ATP6V1C2: variants seen among roughly 807,000 people sequenced by gnomAD.
ATP6V1C2 encodes the protein ATPase H+ transporting V1 subunit C2.
ATP6V1C2 carries 45 observed loss-of-function variants against 56.8 expected under a neutral mutation model. The ratio of observed to expected loss-of-function variants is 0.79; its 90% CI spans 0.62 to 1.02. The LOEUF (loss-of-function observed/expected upper bound fraction) is 1.02, where lower values mean the gene tolerates loss of function less well. ATP6V1C2 is among the 50% of genes least tolerant of loss of function. ATP6V1C2 has a pLI of 0.00. For missense variants in ATP6V1C2, 463 were observed against 519.7 expected (o/e 0.89, Z 1.06); for synonymous variants, 220 against 201.3 (o/e 1.09, Z -0.79).
At chr2:10,764,169 C>T (rs192438639) in intron 4 of ATP6V1C2, among the ~76,000 whole-genome samples, 162 bp from the exon 5 acceptor site, 21 of 152,314 alleles carry the variant, frequency 1.4e-4, no homozygotes, top group Non-Finnish European at 1.5e-4. Context: ...TCCCCGCTCC[C>T]GCAGGGAACG....
At position 10,783,553 on chromosome 2, in the gene ATP6V1C2, T is replaced by C. The variant is rs1665529231; in HGVS notation, c.*290T>C. ...GCTGTATTTCATGTCTTAACGGCTA[T>C]TTTGAGGTTCATTAACAACATAGAA... is the stretch of plus-strand genomic sequence containing the variant. On this transcript the variant is annotated 3_prime_UTR_variant, in exon 14 of 14. Transcript: ENST00000272238. The C allele has an allele frequency of 2.0e-5, 6 of 296,588 alleles. No individual in the cohort carries two copies. Among genetic ancestry groups the C allele is most frequent in the Non-Finnish European group, 3.9e-5 (6 of 155,520 alleles). The allele number at this position is 296,588 out of a possible 1,614,324, so 18.4% of individuals were successfully genotyped here.
chr2:10,737,531 A>T (rs1384128472), intron 3 of ATP6V1C2, among the ~76,000 whole-genome samples: 1 of 151,972 alleles, frequency 6.6e-6, no homozygotes, highest in East Asian at 1.9e-4. Context: ...TAAGTGTTTC[A>T]TGGGTGTCTG....
intron 12 of ATP6V1C2, 88 bp downstream of exon 12, chr2:10,778,757 T>A: frequency 8.1e-7 from 1 of 1,241,654 alleles, no homozygotes; most frequent in Non-Finnish European, 1.2e-6. Flanking sequence ...TCCTGCCTTC[T>A]CTCCATCCTC....
Position 10,764,353 on chromosome 2 carries a change from C to T in ATP6V1C2, c.306C>T (p.Thr102=), listed in dbSNP as rs1480572220. The T allele has an allele frequency of 1.2e-6, 2 of 1,613,868 alleles. No individual in the cohort carries two copies. Among genetic ancestry groups the T allele is most frequent in the South Asian group, 2.2e-5 (2 of 91,078 alleles). Residue 102 remains threonine (T), a synonymous_variant, in exon 5 of 14, where the codon ACC becomes ACT. Coordinates refer to ENST00000272238, the MANE Select transcript of ATP6V1C2 (RefSeq NM_001039362.2). ...CAGTTGACTTAACATCCTTTGTGAC[C>T]CACTTTGAATGGGACATGGCCAAAT... ...ANGVDLTSFV[T]HFEWDMAKYP...
intron 3 of ATP6V1C2, among the ~76,000 whole-genome samples, chr2:10,740,087 C>CAAAAAA (rs70953339): frequency 2.9e-5 from 3 of 103,734 alleles, no homozygotes; most frequent in African/African-American, 4.1e-5. Context: ...GACTCCATCT[C>CAAAAAA]AAAAAAAAAA....
intron 13 of ATP6V1C2, 138 bp from the exon 14 acceptor site, chr2:10,783,035 AG>A (rs1456722167): frequency 4.9e-6 from 3 of 607,154 alleles, no homozygotes; most frequent in Non-Finnish European, 9.0e-6. Context: ...AAGCACAGCA[AG>A]GAGAGGGTTG....
chr2:10,768,656 A>G, intron 5 of ATP6V1C2, 63 bp from the exon 6 acceptor site: 1 of 1,403,598 alleles, frequency 7.1e-7, no homozygotes, highest in Non-Finnish European at 1.0e-6. Flanking sequence ...TGGCCATTTC[A>G]AAAAGTTCAG....
rs546148216 is a variant in ATP6V1C2, at chr2:10,747,557, G to A, written c.198-6424G>A. On this transcript the variant is annotated intron_variant, in intron 3 of 13. Coordinates refer to ENST00000272238, the MANE Select transcript of ATP6V1C2 (RefSeq NM_001039362.2). ...AGATTTCACTTGGATATCACCGCTT[G>A]TCTCAATAGTGTGCTTTCTAAGCTG... is the stretch of plus-strand genomic sequence containing the variant. 2.0e-5 allele frequency among the ~76,000 whole-genome samples: 3 copies of A among 152,208 alleles called. No individual in the cohort carries two copies. The East Asian group carries it at 5.8e-4, about 29-fold the overall frequency.
At chr2:10,756,221 G>A (rs562100924) in intron 4 of ATP6V1C2, among the ~76,000 whole-genome samples, 14 of 152,126 alleles carry the variant, frequency 9.2e-5, no homozygotes, top group East Asian at 3.9e-4. Flanking sequence ...TTAGCTGGGC[G>A]TAGTGGTGCA....
chr2:10,752,046 A>G (rs1286222225), intron 3 of ATP6V1C2, among the ~76,000 whole-genome samples: 2 of 152,096 alleles, frequency 1.3e-5, no homozygotes, highest in Non-Finnish European at 2.9e-5. Context: ...CCTGGGTGAC[A>G]GAGTGACATC....
Position 10,783,249 on chromosome 2 carries a change from A to G in ATP6V1C2, c.1270A>G (p.Ser424Gly). The G allele has an allele frequency of 6.2e-7, 1 of 1,613,034 alleles. No individual in the cohort carries two copies. The highest frequency in any genetic ancestry group is 8.5e-7 in the Non-Finnish European group (1 of 1,179,036). ...FPYVYFHIDLSLLD is the reference protein window; with the variant it reads ...FPYVYFHIDLGLLD ...TTATGTCTACTTCCATATTGACCTTAGTCTTCTTGACTAGAAAGGCCAGCT... is the reference window on the plus strand; with the variant it reads ...TTATGTCTACTTCCATATTGACCTTGGTCTTCTTGACTAGAAAGGCCAGCT... The change falls in exon 14 of 14, where the codon AGT becomes GGT. Residue 424 changes from serine (S) to glycine (G), a missense_variant. Coordinates refer to ENST00000272238, the MANE Select transcript of ATP6V1C2 (RefSeq NM_001039362.2).
rs1009261442 is a variant in ATP6V1C2, at chr2:10,763,058, C to T, written c.284-1273C>T. Reference sequence around the variant, plus strand: ...GTTGGAGGAATCTCAGTCCAATTCCCGTGCTAGGGGCTGAGTGGGCGGGAT... The same window carrying T: ...GTTGGAGGAATCTCAGTCCAATTCCTGTGCTAGGGGCTGAGTGGGCGGGAT... On this transcript the variant is annotated intron_variant, in intron 4 of 13. Coordinates refer to ENST00000272238, the MANE Select transcript of ATP6V1C2 (RefSeq NM_001039362.2). The surrounding 1 kb of genome is among the most constrained non-coding windows in gnomAD (Gnocchi z 4.2). 6.6e-6 allele frequency among the ~76,000 whole-genome samples: 1 copy of T among 152,140 alleles called. No individual in the cohort carries two copies. The highest frequency in any genetic ancestry group is 2.4e-5 in the African/African-American group (1 of 41,418).
Position 10,755,256 on chromosome 2 carries a change from G to A in ATP6V1C2, c.283+1190G>A, listed in dbSNP as rs890071832. On this transcript the variant is annotated intron_variant, in intron 4 of 13. Coordinates refer to ENST00000272238, the MANE Select transcript of ATP6V1C2 (RefSeq NM_001039362.2). Reference sequence around the variant, plus strand: ...TCTCCATGTTGGTCAGGCTGGTCTCGAACTCCTGACCTCAGGTGATCCGCC... The same window carrying A: ...TCTCCATGTTGGTCAGGCTGGTCTCAAACTCCTGACCTCAGGTGATCCGCC... Among the ~76,000 whole-genome samples the A allele has an allele frequency of 8.5e-4, 128 of 151,056 alleles. 1 individual carries two copies. Among genetic ancestry groups the A allele is most frequent in the African/African-American group, 9.4e-4 (39 of 41,282 alleles).
chr2:10,754,325 A>G (rs550457445), intron 4 of ATP6V1C2, among the ~76,000 whole-genome samples: 1 of 152,204 alleles, frequency 6.6e-6, no homozygotes, highest in Non-Finnish European at 1.5e-5. Context: ...GCCCGGGTTC[A>G]AGCGATTCTC....
At chr2:10,744,215 A>G (rs1662734759) in intron 3 of ATP6V1C2, 1 of 152,082 alleles carries the variant, frequency 6.6e-6, no homozygotes, top group South Asian at 2.1e-4. Context: ...GAATTTGTCT[A>G]GGAGGTTTTC....
intron 7 of ATP6V1C2, 119 bp downstream of exon 7, chr2:10,772,056 A>G (rs1340953031): frequency 8.2e-6 from 7 of 855,728 alleles, no homozygotes; most frequent in Non-Finnish European, 1.3e-5. Flanking sequence ...GTTCTCGGGA[A>G]GCAGTCATTC....
intron 6 of ATP6V1C2, among the ~76,000 whole-genome samples, chr2:10,770,355 G>A (rs548310549): frequency 1.3e-5 from 2 of 152,274 alleles, no homozygotes; most frequent in South Asian, 2.1e-4. Flanking sequence ...CCGAGATCAC[G>A]CCACTGCACT....
Position 10,784,922 on chromosome 2 carries a change from C to T in ATP6V1C2, c.*1659C>T, listed in dbSNP as rs199977268. The T allele has an allele frequency of 6.4e-6, 10 of 1,552,184 alleles. No homozygotes were observed. The highest frequency in any genetic ancestry group is 1.7e-4 in the Middle Eastern group (1 of 5,980). On this transcript the variant is annotated 3_prime_UTR_variant, in exon 14 of 14. Coordinates refer to ENST00000272238, the MANE Select transcript of ATP6V1C2 (RefSeq NM_001039362.2). ...GACTGCTGCCCGCACAGCTTCCCTC[C>T]CGGGCACTCACCTCGCCATCCCTGC... is the stretch of plus-strand genomic sequence containing the variant.
In ATP6V1C2 at chr2:10,772,530, A is replaced by T; in HGVS notation, c.570-12A>T. 1 of 1,611,794 alleles carries T rather than the reference A, an allele frequency of 6.2e-7. No homozygotes were observed. Among genetic ancestry groups the T allele is most frequent in the Non-Finnish European group, 8.5e-7 (1 of 1,177,942 alleles). ...CTGCAAAAAATCACGTAACGATTCT[A>T]TGTTCTTGCAGACCAAACTACTCAC... On this transcript the variant is annotated splice_polypyrimidine_tract_variant and intron_variant, in intron 7 of 13. Coordinates refer to ENST00000272238, the MANE Select transcript of ATP6V1C2 (RefSeq NM_001039362.2).
Sources: gnomAD v4.1 joint callset for allele counts (sites outside exome capture counted in the v4.1 genomes callset) on GRCh38, gnomAD v4.1.1 for gene constraint, Gnocchi (gnomAD v3.1) non-coding constraint, MANE v1.5 for transcripts, NCBI Gene and HGNC (gene_info 2026-07-23, HGNC 2026-07-21) for gene names.